Variants in SLC24A3 observed in about 807,000 individuals in gnomAD.
SLC24A3 encodes the protein sodium/potassium/calcium exchanger 3.
In SLC24A3, 28 loss-of-function variants were observed where a neutral mutation model predicts 75.8. The observed-to-expected ratio is 0.37, with a 90% CI of 0.27 to 0.51. SLC24A3 has a LOEUF of 0.51. SLC24A3 is among the 20% of genes least tolerant of loss of function. The pLI is 0.94. For synonymous variants in SLC24A3, 372 were observed against 334.1 expected, an observed-to-expected ratio of 1.11 and a Z score of -1.24; for missense variants, 663 against 847.8, an observed-to-expected ratio of 0.78 and a Z score of 2.71.
intron 6 of SLC24A3, among the ~76,000 whole-genome samples, chr20:19,591,661 C>A (rs2031379299): frequency 6.6e-6 from 1 of 152,142 alleles, no homozygotes; most frequent in Non-Finnish European, 1.5e-5. Flanking sequence ...ACTCAGGTTA[C>A]CTGACCATCC....
chr20:19,537,977 T>C (rs1178676673), intron 3 of SLC24A3, among the ~76,000 whole-genome samples: 2 of 151,690 alleles, frequency 1.3e-5, no homozygotes, highest in Non-Finnish European at 2.9e-5. Flanking sequence ...TGTATACATA[T>C]GTAACAAACC....
chr20:19,385,864 T>A (rs1473406800), intron 2 of SLC24A3, among the ~76,000 whole-genome samples: 1 of 152,156 alleles, frequency 6.6e-6, no homozygotes, highest in Non-Finnish European at 1.5e-5. Context: ...CTCAAACTCC[T>A]GAGCTCAAGC....
chr20:19,260,009 G>A (rs1229264487), intron 1 of SLC24A3, among the ~76,000 whole-genome samples: 2 of 152,220 alleles, frequency 1.3e-5, no homozygotes, highest in Non-Finnish European at 2.9e-5. Flanking sequence ...TGAGATTAAG[G>A]TAGCAAAATA....
chr20:19,529,996 G>A (rs1332135976), intron 3 of SLC24A3, among the ~76,000 whole-genome samples: 1 of 152,204 alleles, frequency 6.6e-6, no homozygotes. Context: ...TCAGCTCAGA[G>A]AGGAATTTGT....
chr20:19,440,102 A>G (rs2122466216), intron 2 of SLC24A3, among the ~76,000 whole-genome samples: 1 of 152,386 alleles, frequency 6.6e-6, no homozygotes, highest in East Asian at 1.9e-4. Flanking sequence ...GAGAATCCTC[A>G]AGCACTGAAA....
chr20:19,533,661 G>A (rs1004142432), intron 3 of SLC24A3, among the ~76,000 whole-genome samples: 1 of 152,160 alleles, frequency 6.6e-6, no homozygotes, highest in Non-Finnish European at 1.5e-5. Flanking sequence ...GGTCAAGATG[G>A]GAGATGGCAA....
chr20:19,543,818 G>T (rs1448184865), intron 3 of SLC24A3, among the ~76,000 whole-genome samples: 27 of 152,214 alleles, frequency 1.8e-4, no homozygotes, highest in Admixed American at 1.6e-3. Context: ...CTGAACACAA[G>T]AATCCAGTCC....
intron 2 of SLC24A3, among the ~76,000 whole-genome samples, chr20:19,346,359 T>C (rs868637207): frequency 1.5e-5 from 2 of 132,600 alleles, no homozygotes; most frequent in South Asian, 4.8e-4. Context: ...ATATATGGTG[T>C]ATATATATGT....
At chr20:19,627,900 A>G (rs948163847) in intron 6 of SLC24A3, among the ~76,000 whole-genome samples, 7 of 152,172 alleles carry the variant, frequency 4.6e-5, no homozygotes, top group South Asian at 4.1e-4. Flanking sequence ...TCAGTCACTG[A>G]GAAGAAAATA....
Position 19,212,814 on chromosome 20 carries a change from C to T in SLC24A3, c.-29C>T. On this transcript the variant is annotated 5_prime_UTR_variant, in exon 1 of 17. Coordinates refer to ENST00000328041, the MANE Select transcript of SLC24A3 (RefSeq NM_020689.4). ...GCCCGCGACAGGAGCGGCCGCCGCC[C>T]GCCGAGGCCGCCGCCCGGCCGCCCG... 5 of 980,396 alleles carry T rather than the reference C, an allele frequency of 5.1e-6. No individual in the cohort carries two copies. Among genetic ancestry groups the T allele is most frequent in the Non-Finnish European group, 6.0e-6 (5 of 828,056 alleles). 60.7% of individuals were successfully genotyped at this position (980,396 alleles called of 1,614,324 possible). A position where few individuals can be genotyped will look rare whatever the true frequency, so the allele number is the denominator to read the frequency against.
intron 15 of SLC24A3, among the ~76,000 whole-genome samples, chr20:19,712,914 G>A (rs2033005940): frequency 6.6e-6 from 1 of 152,252 alleles, no homozygotes. Context: ...CTCTAGGACA[G>A]GCTGAACTGC....
intron 9 of SLC24A3, among the ~76,000 whole-genome samples, chr20:19,680,984 A>G (rs1309616598): frequency 2.0e-5 from 3 of 152,200 alleles, no homozygotes; most frequent in African/African-American, 7.2e-5. Flanking sequence ...TGGCCAGTAA[A>G]CGATGGAGGG....
chr20:19,442,348 T>G (rs930975661), intron 2 of SLC24A3, among the ~76,000 whole-genome samples: 16 of 152,246 alleles, frequency 1.1e-4, no homozygotes, highest in African/African-American at 3.6e-4. Flanking sequence ...AAGTTTCTGT[T>G]ACCCCACATC....
chr20:19,296,288 A>C (rs1236181248), intron 2 of SLC24A3, among the ~76,000 whole-genome samples: 2 of 43,080 alleles, frequency 4.6e-5, no homozygotes, highest in South Asian at 6.8e-4. Flanking sequence ...TTTTTTTTTC[A>C]AAAAAAAATA....
intron 2 of SLC24A3, among the ~76,000 whole-genome samples, chr20:19,323,510 A>G (rs986707299): frequency 6.6e-6 from 1 of 152,214 alleles, no homozygotes; most frequent in South Asian, 2.1e-4. Flanking sequence ...CTCAAGAACC[A>G]ATGGAATAAG....
At chr20:19,330,904 A>G (rs1336137541) in intron 2 of SLC24A3, among the ~76,000 whole-genome samples, 3 of 152,250 alleles carry the variant, frequency 2.0e-5, no homozygotes, top group Non-Finnish European at 2.9e-5. Flanking sequence ...TCCTTTCTGC[A>G]GTATTCTGGC....
chr20:19,454,209 C>T (rs1339033789), intron 2 of SLC24A3, among the ~76,000 whole-genome samples: 4 of 152,168 alleles, frequency 2.6e-5, no homozygotes, highest in East Asian at 1.9e-4. Flanking sequence ...GCTTCCTGCC[C>T]ATCTAAGGAG....
At chr20:19,529,737 C>G (rs1346118250) in intron 3 of SLC24A3, among the ~76,000 whole-genome samples, 1 of 152,216 alleles carries the variant, frequency 6.6e-6, no homozygotes, top group Non-Finnish European at 1.5e-5. Flanking sequence ...TCCTAGGTAC[C>G]TGGCTGGGTA....
At chr20:19,640,506 T>G (rs2032064122) in intron 6 of SLC24A3, among the ~76,000 whole-genome samples, 1 of 152,150 alleles carries the variant, frequency 6.6e-6, no homozygotes, top group South Asian at 2.1e-4. Context: ...TCCTAGCACT[T>G]TGGGAGGCCA....
Sources: gnomAD v4.1 joint callset for allele counts (sites outside exome capture counted in the v4.1 genomes callset) on GRCh38, gnomAD v4.1.1 for gene constraint, MANE v1.5 for transcripts, NCBI Gene and HGNC (gene_info 2026-07-23, HGNC 2026-07-21) for gene names.